Variants in PTPRG observed in about 807,000 individuals in gnomAD.
PTPRG encodes the protein protein tyrosine phosphatase receptor type G.
In PTPRG, 102 loss-of-function variants were observed where a neutral mutation model predicts 165.3. That is an observed-to-expected ratio of 0.62 (90% confidence interval 0.53 to 0.73). The LOEUF is 0.73. Ranked by LOEUF, PTPRG falls within the 30% of genes least tolerant of loss-of-function variation. The pLI, the probability that PTPRG is intolerant of heterozygous loss-of-function variation, is 0.00. For missense variants in PTPRG, 1,866 were observed against 1,861.4 expected (o/e 1.00, Z -0.05); for synonymous variants, 675 against 669.5 (o/e 1.01, Z -0.13).
intron 1 of PTPRG, among the ~76,000 whole-genome samples, chr3:61,623,238 G>A (rs1350911281): frequency 6.6e-6 from 1 of 152,152 alleles, no homozygotes; most frequent in African/African-American, 2.4e-5. Flanking sequence ...GCAAGTTGGT[G>A]GTGGAATACA....
At chr3:61,619,265 C>T (rs1284275629) in intron 1 of PTPRG, among the ~76,000 whole-genome samples, 1 of 152,112 alleles carries the variant, frequency 6.6e-6, no homozygotes, top group Non-Finnish European at 1.5e-5. Flanking sequence ...ACAGTCTGGG[C>T]TTTTAATGAA....
intron 2 of PTPRG, among the ~76,000 whole-genome samples, chr3:61,949,780 C>G (rs576973902): frequency 6.6e-6 from 1 of 151,518 alleles, no homozygotes; most frequent in Non-Finnish European, 1.5e-5. Flanking sequence ...CGCTCTGTCA[C>G]TCTGTCACCC....
chr3:61,851,126 C>G (rs529595058), intron 2 of PTPRG, among the ~76,000 whole-genome samples: 1 of 152,264 alleles, frequency 6.6e-6, no homozygotes, highest in East Asian at 1.9e-4. Context: ...ACATAGTAAC[C>G]TATGCTGTCA....
chr3:62,295,627 A>G lies in PTPRG; in HGVS notation c.*2320A>G, dbSNP rs1703035847. The G allele has an allele frequency of 6.6e-6, 1 of 152,090 alleles. No individual in the cohort carries two copies. Among genetic ancestry groups the G allele is most frequent in the Non-Finnish European group, 1.5e-5 (1 of 68,000 alleles). The allele number at this position is 152,090 out of a possible 1,614,324, so 9.4% of individuals were successfully genotyped here. A position where few individuals can be genotyped will look rare whatever the true frequency, so the allele number is the denominator to read the frequency against. ...AGCTAGTAAATAGGATAGAAACAAT[A>G]AAAGAAAGAGTTTAGAAGTTCCCTG... is the stretch of plus-strand genomic sequence containing the variant. On this transcript the variant is annotated 3_prime_UTR_variant, in exon 30 of 30. Coordinates refer to ENST00000474889, the MANE Select transcript of PTPRG (RefSeq NM_002841.4).
intron 5 of PTPRG, chr3:62,124,534 G>T: frequency 6.6e-7 from 1 of 1,505,608 alleles, no homozygotes; most frequent in East Asian, 2.3e-5. Context: ...CCGGGGTTTT[G>T]CTCTGGGAGA....
chr3:61,613,841 T>C (rs558112126), intron 1 of PTPRG, among the ~76,000 whole-genome samples: 4 of 152,320 alleles, frequency 2.6e-5, no homozygotes, highest in East Asian at 3.9e-4. Flanking sequence ...ATGAGCAATA[T>C]ACTGTGACCT....
At chr3:61,993,176 T>C (rs1254504569) in intron 3 of PTPRG, among the ~76,000 whole-genome samples, 1 of 151,852 alleles carries the variant, frequency 6.6e-6, no homozygotes, top group African/African-American at 2.4e-5. Flanking sequence ...AGAAACCACC[T>C]GTCACTGTAC....
intron 1 of PTPRG, among the ~76,000 whole-genome samples, chr3:61,698,314 C>A (rs2030729683): frequency 6.6e-6 from 1 of 151,974 alleles, no homozygotes; most frequent in African/African-American, 2.4e-5. Context: ...TGGAAAGGGC[C>A]ACATAGAACA....
At chr3:61,562,506 T>G (rs1332050867) in intron 1 of PTPRG, 134 bp downstream of exon 1, 2 of 757,460 alleles carry the variant, frequency 2.6e-6, no homozygotes, top group Non-Finnish European at 4.4e-6. Context: ...GGCGCCCGGA[T>G]AGGAGAAAAG....
At chr3:61,678,975 T>C (rs1276125887) in intron 1 of PTPRG, among the ~76,000 whole-genome samples, 1 of 152,134 alleles carries the variant, frequency 6.6e-6, no homozygotes, top group Non-Finnish European at 1.5e-5. Flanking sequence ...ATGGCTTTTT[T>C]TCCCCCCGTT....
chr3:61,607,031 C>T (rs1701029669), intron 1 of PTPRG, among the ~76,000 whole-genome samples: 1 of 152,210 alleles, frequency 6.6e-6, no homozygotes, highest in South Asian at 2.1e-4. Context: ...CCACTTCAGC[C>T]TCAGGGAATA....
At chr3:61,660,984 T>C (rs139856024) in intron 1 of PTPRG, among the ~76,000 whole-genome samples, 4 of 152,272 alleles carry the variant, frequency 2.6e-5, no homozygotes, top group African/African-American at 9.6e-5. Flanking sequence ...GCCTGGGCCA[T>C]AGAGTGAGAC....
At chr3:62,206,840 G>T (rs1369153954) in intron 12 of PTPRG, among the ~76,000 whole-genome samples, 2 of 144,870 alleles carry the variant, frequency 1.4e-5, no homozygotes, top group African/African-American at 5.1e-5. Flanking sequence ...GCTGAGGTGG[G>T]AGATCACTTG....
chr3:61,732,590 T>A (rs1256882569), intron 1 of PTPRG, among the ~76,000 whole-genome samples: 2 of 150,342 alleles, frequency 1.3e-5, no homozygotes, highest in Admixed American at 6.6e-5. Context: ...GCACCTGTAG[T>A]CCCAGCTACT....
At chr3:61,757,816 A>G (rs563822899) in intron 2 of PTPRG, among the ~76,000 whole-genome samples, 1 of 152,320 alleles carries the variant, frequency 6.6e-6, no homozygotes, top group African/African-American at 2.4e-5. Context: ...TTAAAAGGAC[A>G]ATGTTCTCTT....
At chr3:61,646,354 C>T (rs904667061) in intron 1 of PTPRG, among the ~76,000 whole-genome samples, 6 of 152,308 alleles carry the variant, frequency 3.9e-5, no homozygotes, top group South Asian at 2.1e-4. Context: ...CAAGTGATAA[C>T]GCCTGCCTTG....
chr3:62,077,429 C>G (rs1463707953), intron 4 of PTPRG, among the ~76,000 whole-genome samples: 1 of 152,054 alleles, frequency 6.6e-6, no homozygotes, highest in East Asian at 1.9e-4. Context: ...TCATCTATAG[C>G]TGAGTATAGT....
chr3:61,846,650 T>TCAC (rs59060369), intron 2 of PTPRG, among the ~76,000 whole-genome samples: 1 of 119,398 alleles, frequency 8.4e-6, no homozygotes, highest in African/African-American at 4.6e-5. Context: ...GCGTGGTGGC[T>TCAC]CATGCTTGTA....
chr3:61,908,572 G>T (rs1390885336), intron 2 of PTPRG, among the ~76,000 whole-genome samples: 1 of 152,086 alleles, frequency 6.6e-6, no homozygotes, highest in Non-Finnish European at 1.5e-5. Context: ...GTTCAATCCT[G>T]TATAATTTAG....
Sources: gnomAD v4.1 joint callset for allele counts (sites outside exome capture counted in the v4.1 genomes callset) on GRCh38, gnomAD v4.1.1 for gene constraint, MANE v1.5 for transcripts, NCBI Gene and HGNC (gene_info 2026-07-23, HGNC 2026-07-21) for gene names.